The following CRTAC1 variants were observed in gnomAD, a reference collection of about 807,000 sequenced individuals.
The protein encoded by CRTAC1 is acidic secreted protein in cartilage.
CRTAC1 carries 37 observed loss-of-function variants against 67.8 expected under a neutral mutation model. The observed-to-expected ratio is 0.55, with a 90% CI of 0.42 to 0.72. The LOEUF (loss-of-function observed/expected upper bound fraction) is 0.72. Among genes scored for constraint, CRTAC1 ranks in the 30% least tolerant of loss-of-function variants. The probability of loss-of-function intolerance (pLI) is 0.00; values close to 1 mark genes in which losing one functional copy is unlikely to be tolerated. For missense variants in CRTAC1, 780 were observed against 931.6 expected, an observed-to-expected ratio of 0.84 and a Z score of 2.12; for synonymous variants, 348 against 371.0, an observed-to-expected ratio of 0.94 and a Z score of 0.71.
intron 2 of CRTAC1, among the ~76,000 whole-genome samples, chr10:97,972,663 G>T (rs965779066): frequency 1.6e-4 from 25 of 152,328 alleles, no homozygotes; most frequent in African/African-American, 6.0e-4. Flanking sequence ...AAATAAATCA[G>T]TGTAGTATCT....
At chr10:97,997,141 T>C (rs987392749) in intron 2 of CRTAC1, among the ~76,000 whole-genome samples, 2 of 148,340 alleles carry the variant, frequency 1.3e-5, no homozygotes, top group East Asian at 4.0e-4. Context: ...TGCTAAATGA[T>C]GAGTTAATGG....
intron 1 of CRTAC1, among the ~76,000 whole-genome samples, chr10:98,017,839 A>G (rs1298232911): frequency 6.6e-6 from 1 of 151,790 alleles, no homozygotes; most frequent in East Asian, 1.9e-4. Flanking sequence ...ATCTGCTAAT[A>G]ATTTCTTAAA....
At chr10:97,892,353 C>T (rs1050563930) in intron 11 of CRTAC1, among the ~76,000 whole-genome samples, 1 of 152,200 alleles carries the variant, frequency 6.6e-6, no homozygotes, top group Admixed American at 6.5e-5. Flanking sequence ...CCTCAATGTC[C>T]TTATTGGCAC....
intron 11 of CRTAC1, among the ~76,000 whole-genome samples, chr10:97,890,090 T>TACACACAC (rs56001448): frequency 0.23 from 34,837 of 150,296 alleles, 4,580 homozygotes; most frequent in Non-Finnish European, 0.31. Context: ...CCAGGATGTG[T>TACACACAC]ACACACACAC....
intron 2 of CRTAC1, among the ~76,000 whole-genome samples, chr10:97,950,556 G>A (rs1168680260): frequency 6.6e-6 from 1 of 152,212 alleles, no homozygotes. Context: ...GGTTGGACAG[G>A]CAAGGAGACA....
intron 1 of CRTAC1, among the ~76,000 whole-genome samples, chr10:98,011,996 G>A (rs749176085): frequency 1.3e-5 from 2 of 152,088 alleles, no homozygotes; most frequent in Non-Finnish European, 2.9e-5. Context: ...GGTAGCCAGG[G>A]GGAATATGTG....
At chr10:97,943,521 C>T (rs1590227005) in intron 2 of CRTAC1, among the ~76,000 whole-genome samples, 1 of 152,326 alleles carries the variant, frequency 6.6e-6, no homozygotes, top group Admixed American at 6.5e-5. Flanking sequence ...GTTGCATTTT[C>T]ACAACTATGG....
Position 97,933,624 on chromosome 10 carries a change from G to A in CRTAC1, c.421+2546C>T, listed in dbSNP as rs1269264081. ...GGGAGAGGGGACTCAGATACCCGGAGAAACACAAGGCCGTGTTGAGGATAG... is the reference window on the plus strand; with the variant it reads ...GGGAGAGGGGACTCAGATACCCGGAAAAACACAAGGCCGTGTTGAGGATAG... On this transcript the variant is annotated intron_variant, in intron 3 of 14. Coordinates refer to ENST00000370597, the MANE Select transcript of CRTAC1 (RefSeq NM_018058.7). Among the ~76,000 whole-genome samples the A allele has an allele frequency of 2.6e-5, 4 of 152,258 alleles. No homozygotes were observed. In the East Asian group the frequency reaches 7.7e-4, roughly 29 times the overall value.
chr10:98,018,122 C>A (rs1476801950), intron 1 of CRTAC1, among the ~76,000 whole-genome samples: 1 of 144,994 alleles, frequency 6.9e-6, no homozygotes, highest in Non-Finnish European at 1.5e-5. Context: ...ATTGCTTGAA[C>A]CCAGGAGGCG....
intron 13 of CRTAC1, 43 bp from the exon 14 acceptor site, chr10:97,880,435 G>C: frequency 6.2e-7 from 1 of 1,600,332 alleles, no homozygotes; most frequent in Non-Finnish European, 8.6e-7. Flanking sequence ...GTGTGGGGCA[G>C]CAAGTACCAG....
chr10:97,871,647 C>A (rs187685122), intron 14 of CRTAC1: 1 of 152,134 alleles, frequency 6.6e-6, no homozygotes, highest in African/African-American at 2.4e-5. Context: ...AGGAAACTGA[C>A]GTTCTAGGTG....
rs185229640 is a variant in CRTAC1, at chr10:98,003,460, C to T, written c.224+7678G>A. 1.6e-4 allele frequency among the ~76,000 whole-genome samples: 24 copies of T among 152,264 alleles called. No homozygotes were observed. In the East Asian group the frequency reaches 2.9e-3, roughly 18 times the overall value. On this transcript the variant is annotated intron_variant, in intron 2 of 14. Transcript: ENST00000370597. Reference sequence around the variant, plus strand: ...CTTGCCTTTTCCAACTTCTGGAGGCCGCCCACATTCCTCGGCTCTTGGCCT... The same window carrying T: ...CTTGCCTTTTCCAACTTCTGGAGGCTGCCCACATTCCTCGGCTCTTGGCCT...
Position 97,895,240 on chromosome 10 carries a change from C to T in CRTAC1, c.1486+5G>A. On this transcript the variant is annotated splice_donor_5th_base_variant and intron_variant, in intron 11 of 14. Transcript: ENST00000370597. The surrounding 1 kb of genome is among the most constrained non-coding windows in gnomAD (Gnocchi z 4.2). ...CTCACTGTCCCCCACCGGACCCCGA[C>T]TCACCCAGGCCAAAGTGTGCCACGG... 1 of 1,609,262 alleles carries T rather than the reference C, an allele frequency of 6.2e-7. No individual in the cohort carries two copies. The highest frequency in any genetic ancestry group is 8.5e-7 in the Non-Finnish European group (1 of 1,179,936).
chr10:97,896,886 C>T (rs1212216205), intron 9 of CRTAC1, 23 bp downstream of exon 9: 1 of 1,516,238 alleles, frequency 6.6e-7, no homozygotes, highest in Admixed American at 2.0e-5. Context: ...CAGTGCAGGC[C>T]AGATCCCCCA....
chr10:97,880,191 C>G, intron 14 of CRTAC1, 58 bp downstream of exon 14: 21 of 1,584,300 alleles, frequency 1.3e-5, no homozygotes, highest in Non-Finnish European at 1.7e-5. Context: ...CTACCCAGAG[C>G]TCCCCAGTGG....
chr10:97,967,600 T>A (rs911017998), intron 2 of CRTAC1, among the ~76,000 whole-genome samples: 1 of 152,210 alleles, frequency 6.6e-6, no homozygotes, highest in Admixed American at 6.5e-5. Context: ...TTTCTATATG[T>A]AACCATCTGT....
At chr10:98,028,286 T>C (rs1034128563) in intron 1 of CRTAC1, among the ~76,000 whole-genome samples, 13 of 152,320 alleles carry the variant, frequency 8.5e-5, no homozygotes, top group African/African-American at 2.6e-4. Context: ...TGAGCTGCCT[T>C]AAAGCATTAA....
In CRTAC1 at chr10:97,878,648, A is replaced by G. The variant is rs74485524; in HGVS notation, c.1819+1601T>C. On this transcript the variant is annotated intron_variant, in intron 14 of 14. Transcript: ENST00000370597. ...AGTGTTCTGGCTACAGGAGCATTCT[A>G]TTTTCCAAGGAGATTGCAGAGACCA... is the stretch of plus-strand genomic sequence containing the variant. The G allele has an allele frequency of 3.7e-5, 48 of 1,303,940 alleles. No homozygotes were observed. In the East Asian group the frequency reaches 2.1e-3, roughly 57 times the overall value. The allele number at this position is 1,303,940 out of a possible 1,614,324, so 80.8% of individuals were successfully genotyped here.
At chr10:98,015,699 C>T (rs1413748117) in intron 1 of CRTAC1, among the ~76,000 whole-genome samples, 2 of 152,182 alleles carry the variant, frequency 1.3e-5, no homozygotes, top group Non-Finnish European at 1.5e-5. Context: ...ATGAGCAGTG[C>T]TCTATATCAG....
Sources: allele counts gnomAD v4.1 joint callset (sites outside exome capture counted in the v4.1 genomes callset), GRCh38; gene constraint gnomAD v4.1.1; non-coding constraint Gnocchi (gnomAD v3.1); transcripts MANE v1.5; gene names NCBI Gene and HGNC (gene_info 2026-07-23, HGNC 2026-07-21).